The following KGD4 variants were observed in gnomAD, a reference collection of about 807,000 sequenced individuals.
KGD4 encodes alpha-ketoglutarate dehydrogenase subunit 4.
the KGD4 span, among the ~76,000 whole-genome samples, chr5:69,226,811 G>A: frequency 1.3e-5 from 2 of 151,454 alleles, no homozygotes; most frequent in Admixed American, 6.6e-5. Context: ...TCATGCCACT[G>A]CACTCCAGCC....
At chr5:69,220,909 G>A in the KGD4 span, among the ~76,000 whole-genome samples, 2 of 152,066 alleles carry the variant, frequency 1.3e-5, no homozygotes, top group African/African-American at 4.8e-5. Context: ...TCTCTGAAAC[G>A]TGCTGTGTCC....
chr5:69,228,467 A>G, the KGD4 span: 5 of 1,340,356 alleles, frequency 3.7e-6, no homozygotes, highest in East Asian at 2.4e-5. Context: ...GCTGATTTAC[A>G]TGCTATTCCT....
the KGD4 span, among the ~76,000 whole-genome samples, chr5:69,227,584 A>G: frequency 6.6e-6 from 1 of 152,180 alleles, no homozygotes; most frequent in African/African-American, 2.4e-5. Context: ...TATTGTAACT[A>G]TTGAAGAATT....
At chr5:69,230,153 C>T in the KGD4 span, 1 of 151,972 alleles carries the variant, frequency 6.6e-6, no homozygotes, top group South Asian at 2.1e-4. Context: ...TCTTCCATAC[C>T]TTTAATGATT....
At chr5:69,224,779 A>G in the KGD4 span, among the ~76,000 whole-genome samples, 1 of 152,088 alleles carries the variant, frequency 6.6e-6, no homozygotes, top group African/African-American at 2.4e-5. Flanking sequence ...AAATTTAAAA[A>G]GTCAGTAAAT....
chr5:69,226,847 CA>C, the KGD4 span, among the ~76,000 whole-genome samples: 4,080 of 135,248 alleles, frequency 0.03, 162 homozygotes, highest in African/African-American at 0.094. Flanking sequence ...GACTTTGTCT[CA>C]AAAAAAAAAA....
At chr5:69,225,745 T>C in the KGD4 span, among the ~76,000 whole-genome samples, 152 of 151,990 alleles carry the variant, frequency 1.0e-3, no homozygotes, top group African/African-American at 3.5e-3. Context: ...CATGCCCAAC[T>C]AATTTTTGTA....
At chr5:69,218,120 TG>T in the KGD4 span, 92 of 570,766 alleles carry the variant, frequency 1.6e-4, no homozygotes, top group South Asian at 2.0e-3. Flanking sequence ...AGGTAGGTCC[TG>T]TACCTACTGC....
At chr5:69,226,253 A>G in the KGD4 span, 2 of 936,454 alleles carry the variant, frequency 2.1e-6, no homozygotes, top group Non-Finnish European at 1.7e-6. Flanking sequence ...TAGTAATTTT[A>G]ACAAACGTAT....
At chr5:69,219,737 A>G in the KGD4 span, among the ~76,000 whole-genome samples, 3 of 152,170 alleles carry the variant, frequency 2.0e-5, no homozygotes, top group Admixed American at 2.0e-4. Context: ...CTAATATAAT[A>G]TCACTTGAGC....
chr5:69,228,330 A>T, the KGD4 span: 1 of 1,602,186 alleles, frequency 6.2e-7, no homozygotes, highest in Non-Finnish European at 8.5e-7. Context: ...TAATAAAAAC[A>T]TTACCTCAGA....
chr5:69,222,927 C>G, the KGD4 span, among the ~76,000 whole-genome samples: 1 of 151,676 alleles, frequency 6.6e-6, no homozygotes, highest in East Asian at 1.9e-4. Context: ...AGGCGCCCAC[C>G]ACCACGCCCG....
the KGD4 span, chr5:69,226,238 TA>T: frequency 1.2e-6 from 1 of 817,784 alleles, no homozygotes; most frequent in Non-Finnish European, 2.0e-6. Context: ...AAAGTTGCTG[TA>T]AAATAGTAAT....
chr5:69,222,849 C>T, the KGD4 span, among the ~76,000 whole-genome samples: 4 of 150,858 alleles, frequency 2.7e-5, no homozygotes, highest in Admixed American at 6.6e-5. Context: ...TGCAGTGGCT[C>T]GATCTCGGAC....
At chr5:69,222,766 G>A in the KGD4 span, among the ~76,000 whole-genome samples, 1 of 146,840 alleles carries the variant, frequency 6.8e-6, no homozygotes, top group Non-Finnish European at 1.5e-5. Flanking sequence ...GCTTGGCTAT[G>A]AAAGTGAAGA....
chr5:69,218,729 T>C, the KGD4 span, among the ~76,000 whole-genome samples: 17 of 152,348 alleles, frequency 1.1e-4, no homozygotes, highest in South Asian at 3.5e-3. Flanking sequence ...AATTGACTTT[T>C]ATCTTTGATA....
chr5:69,218,326 G>T, the KGD4 span, among the ~76,000 whole-genome samples: 6 of 152,260 alleles, frequency 3.9e-5, no homozygotes, highest in African/African-American at 1.2e-4. Flanking sequence ...TCAAGGTCTC[G>T]GGAATGGTCG....
At chr5:69,228,194 T>C in the KGD4 span, 2 of 1,511,594 alleles carry the variant, frequency 1.3e-6, no homozygotes, top group South Asian at 1.4e-5. Context: ...TTTTTTTTAA[T>C]TTCAGTATCA....
chr5:69,226,437 G>A, the KGD4 span: 1,586 of 1,346,290 alleles, frequency 1.2e-3, 4 homozygotes, highest in Non-Finnish European at 1.5e-3. Context: ...TTTTAAAATT[G>A]TGTACATGAA....
Sources: gnomAD v4.1 joint callset for allele counts (sites outside exome capture counted in the v4.1 genomes callset) on GRCh38, gnomAD v4.1.1 for gene constraint, MANE v1.5 for transcripts, NCBI Gene and HGNC (gene_info 2026-07-23, HGNC 2026-07-21) for gene names.